CNTN5: variants seen among roughly 807,000 people sequenced by gnomAD.
CNTN5 encodes the protein contactin 5.
Under a neutral mutation model 129.1 loss-of-function variants are expected in CNTN5, and 77 were observed. The observed-to-expected ratio is 0.60, with a 90% CI of 0.50 to 0.72. The LOEUF (loss-of-function observed/expected upper bound fraction) is 0.72. Ranked by LOEUF, CNTN5 falls within the 30% of genes least tolerant of loss-of-function variation. The pLI is 0.00. For synonymous variants in CNTN5, 509 were observed against 465.6 expected (o/e 1.09, Z -1.20); for missense variants, 1,478 against 1,328.8 (o/e 1.11, Z -1.75).
chr11:99,344,964 A>G (rs1243016064), intron 2 of CNTN5, among the ~76,000 whole-genome samples: 5 of 152,182 alleles, frequency 3.3e-5, no homozygotes, highest in Non-Finnish European at 7.4e-5. Context: ...GAAAAGTTGG[A>G]AATGTGTAGC....
intron 2 of CNTN5, among the ~76,000 whole-genome samples, chr11:99,402,509 A>T (rs2136214801): frequency 6.6e-6 from 1 of 152,296 alleles, no homozygotes. Flanking sequence ...AATATTAATC[A>T]GGGATATTGA....
chr11:99,863,348 A>G (rs1259972870), intron 6 of CNTN5, among the ~76,000 whole-genome samples: 1 of 152,144 alleles, frequency 6.6e-6, no homozygotes, highest in Non-Finnish European at 1.5e-5. Flanking sequence ...AGAGATTTTC[A>G]GGTAGGAGGA....
chr11:99,369,605 A>G (rs1939706674), intron 2 of CNTN5, among the ~76,000 whole-genome samples: 1 of 152,108 alleles, frequency 6.6e-6, no homozygotes, highest in African/African-American at 2.4e-5. Context: ...TGGATAAATT[A>G]TCTCAAAATA....
chr11:99,121,352 C>G (rs79377045), intron 1 of CNTN5, among the ~76,000 whole-genome samples: 1 of 151,966 alleles, frequency 6.6e-6, no homozygotes, highest in Admixed American at 6.6e-5. Context: ...CTAGACTGGT[C>G]GAACTCCTGA....
intron 2 of CNTN5, among the ~76,000 whole-genome samples, chr11:99,491,491 G>A (rs979122857): frequency 6.6e-6 from 1 of 152,152 alleles, no homozygotes; most frequent in Admixed American, 6.5e-5. Flanking sequence ...GAGATTTCCA[G>A]AGTAGGAGAC....
intron 3 of CNTN5, among the ~76,000 whole-genome samples, chr11:99,686,398 G>A (rs1953795982): frequency 6.6e-6 from 1 of 151,620 alleles, no homozygotes; most frequent in Admixed American, 6.6e-5. Context: ...GAGAATTTCG[G>A]TTTCTTTTTG....
intron 3 of CNTN5, among the ~76,000 whole-genome samples, chr11:99,562,286 C>A (rs1275675945): frequency 6.6e-6 from 1 of 151,856 alleles, no homozygotes; most frequent in African/African-American, 2.4e-5. Flanking sequence ...GATGTTGAAA[C>A]CTAAAGTTTA....
chr11:99,672,277 A>G (rs1591456628), intron 3 of CNTN5, among the ~76,000 whole-genome samples: 1 of 152,138 alleles, frequency 6.6e-6, no homozygotes, highest in Non-Finnish European at 1.5e-5. Context: ...ATTAGGGAAG[A>G]AAGGAAGCAG....
intron 2 of CNTN5, among the ~76,000 whole-genome samples, chr11:99,341,948 G>A (rs769212484): frequency 7.2e-5 from 11 of 152,050 alleles, no homozygotes; most frequent in Non-Finnish European, 1.5e-4. Flanking sequence ...CATCCAAGGA[G>A]GAATCACTAC....
At chr11:100,269,016 G>A (rs1950358716) in intron 17 of CNTN5, among the ~76,000 whole-genome samples, 1 of 152,188 alleles carries the variant, frequency 6.6e-6, no homozygotes, top group Admixed American at 6.5e-5. Flanking sequence ...CTAAAACCAT[G>A]AGGCTGGATA....
intron 20 of CNTN5, among the ~76,000 whole-genome samples, 165 bp from the exon 21 acceptor site, chr11:100,308,194 A>G: frequency 6.6e-6 from 1 of 151,854 alleles, no homozygotes; most frequent in East Asian, 1.9e-4. Context: ...ACCCAAGTAT[A>G]GAAATCCAAA....
intron 18 of CNTN5, among the ~76,000 whole-genome samples, chr11:100,290,784 G>A (rs1335553071): frequency 6.7e-6 from 1 of 150,036 alleles, no homozygotes; most frequent in Admixed American, 6.6e-5. Flanking sequence ...AAGAGCTTCT[G>A]CACAGCAAAA....
chr11:99,779,798 A>T (rs1018925078), intron 3 of CNTN5, among the ~76,000 whole-genome samples: 2 of 152,036 alleles, frequency 1.3e-5, no homozygotes, highest in Non-Finnish European at 2.9e-5. Flanking sequence ...AATCCCTTGC[A>T]TATAACTAAG....
In CNTN5 at chr11:100,154,921, C is replaced by T. The variant is rs141055200; in HGVS notation, c.1581-36205C>T. ...TTTCTTTGTAGATTCTGGATATTAG[C>T]CCTTTGTCGGATGGGTAGATCACAA... On this transcript the variant is annotated intron_variant, in intron 13 of 24. Coordinates refer to ENST00000524871, the MANE Select transcript of CNTN5 (RefSeq NM_014361.4). Among the ~76,000 whole-genome samples the T allele has an allele frequency of 5.7e-3, 865 of 152,076 alleles. 5 individuals carry two copies. The highest frequency in any genetic ancestry group is 0.01 in the Middle Eastern group (3 of 294).
At chr11:100,183,111 T>C (rs1253999367) in intron 13 of CNTN5, among the ~76,000 whole-genome samples, 1 of 152,100 alleles carries the variant, frequency 6.6e-6, no homozygotes, top group Non-Finnish European at 1.5e-5. Flanking sequence ...AGACTGACCA[T>C]ACGAAGTGCT....
intron 21 of CNTN5, among the ~76,000 whole-genome samples, chr11:100,339,979 G>A (rs909671338): frequency 6.6e-6 from 1 of 152,150 alleles, no homozygotes; most frequent in African/African-American, 2.4e-5. Context: ...CCATTCCAGA[G>A]TATCCAGTGT....
At chr11:99,248,054 C>T (rs543236818) in intron 1 of CNTN5, among the ~76,000 whole-genome samples, 3 of 152,074 alleles carry the variant, frequency 2.0e-5, no homozygotes, top group Non-Finnish European at 2.9e-5. Context: ...ACCACAGTAG[C>T]TGAACTAATT....
chr11:99,820,583 AGCAGGATGAACG>A (rs1946770411), intron 4 of CNTN5, among the ~76,000 whole-genome samples: 1 of 12,688 alleles, frequency 7.9e-5, no homozygotes, highest in African/African-American at 2.9e-4. Context: ...GTTCATTAAC[AGCAGGATGAACG>A]GCACCTGTTA....
chr11:99,951,433 T>G (rs1468154901), intron 7 of CNTN5, among the ~76,000 whole-genome samples: 1 of 152,068 alleles, frequency 6.6e-6, no homozygotes, highest in Admixed American at 6.6e-5. Flanking sequence ...ACCCCAAATC[T>G]AGGAGCCAAA....
Sources: gnomAD v4.1 joint callset for allele counts (sites outside exome capture counted in the v4.1 genomes callset) on GRCh38, gnomAD v4.1.1 for gene constraint, MANE v1.5 for transcripts, NCBI Gene and HGNC (gene_info 2026-07-23, HGNC 2026-07-21) for gene names.